Variants in XKR9 observed in about 807,000 individuals in gnomAD.
The protein encoded by XKR9 is XK-related protein 9.
Under a neutral mutation model 32.0 loss-of-function variants are expected in XKR9, and 32 were observed. The ratio of observed to expected loss-of-function variants is 1.00; its 90% CI spans 0.76 to 1.34. The LOEUF is 1.34. XKR9 is among the 40% of genes most tolerant of loss of function. The probability of loss-of-function intolerance (pLI) is 0.00; values close to 1 mark genes in which losing one functional copy is unlikely to be tolerated. For synonymous variants in XKR9, 168 were observed against 143.4 expected (o/e 1.17, Z -1.22); for missense variants, 546 against 429.7 (o/e 1.27, Z -2.39).
the XKR9 span, among the ~76,000 whole-genome samples, chr8:70,801,010 G>T: frequency 6.8e-5 from 10 of 148,012 alleles, no homozygotes; most frequent in Admixed American, 6.7e-4. Context: ...TATTTCTCTG[G>T]TGTTCGTAGT....
chr8:70,849,722 C>G, the XKR9 span, among the ~76,000 whole-genome samples: 1 of 151,890 alleles, frequency 6.6e-6, no homozygotes, highest in African/African-American at 2.4e-5. Flanking sequence ...AGACCACTAG[C>G]CAGACTAATA....
the XKR9 span, among the ~76,000 whole-genome samples, chr8:70,974,633 C>T: frequency 1.3e-5 from 2 of 152,304 alleles, no homozygotes; most frequent in South Asian, 2.1e-4. Flanking sequence ...TTAATCCAGT[C>T]TATAATTGAT....
the XKR9 span, among the ~76,000 whole-genome samples, chr8:70,800,025 G>A: frequency 5.4e-3 from 821 of 152,140 alleles, 12 homozygotes; most frequent in African/African-American, 0.019. Flanking sequence ...ACTATTTTAA[G>A]GTATGTTCCC....
intron 4 of XKR9, among the ~76,000 whole-genome samples, chr8:70,713,966 G>A (rs940694295): frequency 6.6e-6 from 1 of 152,120 alleles, no homozygotes; most frequent in Non-Finnish European, 1.5e-5. Flanking sequence ...CAAGATCAAG[G>A]TGCCAATAGG....
the XKR9 span, among the ~76,000 whole-genome samples, chr8:71,040,982 A>G: frequency 1.3e-5 from 2 of 152,154 alleles, no homozygotes; most frequent in Non-Finnish European, 2.9e-5. Flanking sequence ...ATACATGTCA[A>G]CTGGAAATAA....
chr8:70,912,425 C>T, the XKR9 span, among the ~76,000 whole-genome samples: 3 of 152,016 alleles, frequency 2.0e-5, no homozygotes, highest in East Asian at 1.9e-4. Flanking sequence ...ACAATAGGAG[C>T]ATAAAATAAA....
the XKR9 span, among the ~76,000 whole-genome samples, chr8:70,918,205 A>G: frequency 6.6e-6 from 1 of 152,214 alleles, no homozygotes; most frequent in Non-Finnish European, 1.5e-5. Flanking sequence ...GGTTACACAA[A>G]GGATGATCAG....
the XKR9 span, among the ~76,000 whole-genome samples, chr8:70,862,153 T>A: frequency 1.3e-5 from 2 of 152,168 alleles, no homozygotes; most frequent in Non-Finnish European, 2.9e-5. Context: ...GACTCAGATG[T>A]AGAAAGAGCC....
the XKR9 span, among the ~76,000 whole-genome samples, chr8:71,060,919 CACGT>C: frequency 6.6e-6 from 1 of 152,066 alleles, no homozygotes; most frequent in Non-Finnish European, 1.5e-5. Flanking sequence ...TCTAAATCAC[CACGT>C]AGTTCTAGTA....
chr8:70,936,649 G>C, the XKR9 span, among the ~76,000 whole-genome samples: 1 of 151,932 alleles, frequency 6.6e-6, no homozygotes, highest in Non-Finnish European at 1.5e-5. Context: ...TCCTGTGTCT[G>C]TCCCGTTAAT....
intron 4 of XKR9, among the ~76,000 whole-genome samples, chr8:70,713,329 C>T (rs905896956): frequency 3.3e-5 from 5 of 152,028 alleles, no homozygotes; most frequent in Admixed American, 1.3e-4. Flanking sequence ...TGAACAGAGT[C>T]CCCAAAGGAG....
chr8:70,737,928 CT>C (rs1451402367), downstream of XKR9, among the ~76,000 whole-genome samples: 1 of 116,958 alleles, frequency 8.6e-6, no homozygotes. Flanking sequence ...GTCTAAAATT[CT>C]CTTTTTTGGT....
chr8:70,748,147 C>T (rs533701624), intron 2 of XKR9, among the ~76,000 whole-genome samples: 29 of 152,332 alleles, frequency 1.9e-4, no homozygotes, highest in African/African-American at 6.7e-4. Context: ...TCTGGAATGG[C>T]CACTGTGAAG....
At chr8:70,812,236 CA>C in the XKR9 span, among the ~76,000 whole-genome samples, 1 of 152,164 alleles carries the variant, frequency 6.6e-6, no homozygotes, top group Non-Finnish European at 1.5e-5. Flanking sequence ...TGACAAAATT[CA>C]ACAACCCTTC....
chr8:70,796,916 T>C, the XKR9 span, among the ~76,000 whole-genome samples: 1 of 152,160 alleles, frequency 6.6e-6, no homozygotes, highest in East Asian at 1.9e-4. Context: ...GTGGCAGATA[T>C]GTGTGTATTG....
chr8:70,710,299 A>G (rs1563439885), intron 4 of XKR9, among the ~76,000 whole-genome samples: 1 of 152,220 alleles, frequency 6.6e-6, no homozygotes, highest in African/African-American at 2.4e-5. Context: ...CTCAAGATGG[A>G]TTAAAGACTT....
At chr8:70,858,300 C>G in the XKR9 span, among the ~76,000 whole-genome samples, 1 of 152,098 alleles carries the variant, frequency 6.6e-6, no homozygotes, top group Non-Finnish European at 1.5e-5. Context: ...GTAAAAATCA[C>G]AAGCATTCCT....
the XKR9 span, among the ~76,000 whole-genome samples, chr8:70,988,123 G>A: frequency 6.6e-6 from 1 of 152,128 alleles, no homozygotes; most frequent in Non-Finnish European, 1.5e-5. Context: ...TGTGATGGGA[G>A]GGGCTGCCAC....
At chr8:71,038,759 A>T in the XKR9 span, among the ~76,000 whole-genome samples, 11 of 151,474 alleles carry the variant, frequency 7.3e-5, no homozygotes, top group East Asian at 1.9e-3. Context: ...TCAAAAAAAA[A>T]AAAAAAAAAA....
Sources: gnomAD v4.1 joint callset for allele counts (sites outside exome capture counted in the v4.1 genomes callset) on GRCh38, gnomAD v4.1.1 for gene constraint, MANE v1.5 for transcripts, NCBI Gene and HGNC (gene_info 2026-07-23, HGNC 2026-07-21) for gene names.